The following UST variants were observed in gnomAD, a reference collection of about 807,000 sequenced individuals.
The protein encoded by UST is chondroitin sulfate 2-O-sulfotransferase.
UST carries 21 observed loss-of-function variants against 45.6 expected under a neutral mutation model. The ratio of observed to expected loss-of-function variants is 0.46; its 90% CI spans 0.33 to 0.66. The LOEUF (loss-of-function observed/expected upper bound fraction) is 0.66. Among genes scored for constraint, UST ranks in the 30% least tolerant of loss-of-function variants. UST has a pLI of 0.02. For synonymous variants in UST, 215 were observed against 200.6 expected (o/e 1.07, Z -0.61); for missense variants, 463 against 512.4 (o/e 0.90, Z 0.93).
intron 1 of UST, among the ~76,000 whole-genome samples, chr6:148,821,127 G>A (rs1458807435): frequency 2.0e-5 from 3 of 150,742 alleles, no homozygotes; most frequent in African/African-American, 4.9e-5. Context: ...CCACTACCAC[G>A]CCCAGCTAAT....
At chr6:148,872,867 C>T (rs761087081) in intron 1 of UST, among the ~76,000 whole-genome samples, 2 of 152,164 alleles carry the variant, frequency 1.3e-5, no homozygotes, top group Non-Finnish European at 2.9e-5. Flanking sequence ...CTGACAAGGA[C>T]ACTGTGATTA....
At chr6:148,920,757 C>A (rs1191734199) in intron 2 of UST, among the ~76,000 whole-genome samples, 1 of 152,206 alleles carries the variant, frequency 6.6e-6, no homozygotes, top group Admixed American at 6.5e-5. Flanking sequence ...CTCGAACTCC[C>A]AGGCTCAACC....
intron 7 of UST, among the ~76,000 whole-genome samples, chr6:149,059,401 C>G (rs540120273): frequency 1.3e-5 from 2 of 152,202 alleles, no homozygotes; most frequent in African/African-American, 4.8e-5. Context: ...CAGAAGGACA[C>G]GAAAGGTGGA....
chr6:148,846,543 C>A (rs1242153500), intron 1 of UST, among the ~76,000 whole-genome samples: 2 of 151,886 alleles, frequency 1.3e-5, no homozygotes, highest in Non-Finnish European at 2.9e-5. Flanking sequence ...CACATGTATA[C>A]ATATGTAACT....
At chr6:148,954,064 A>G in intron 4 of UST, 113 bp downstream of exon 4, 1 of 757,670 alleles carries the variant, frequency 1.3e-6, no homozygotes, top group Non-Finnish European at 2.0e-6. Context: ...GACATTTTTA[A>G]TCCGTTTATT....
At chr6:148,886,328 A>G (rs1412193616) in intron 1 of UST, among the ~76,000 whole-genome samples, 1 of 152,222 alleles carries the variant, frequency 6.6e-6, no homozygotes, top group East Asian at 1.9e-4. Context: ...CCTGTAAAGC[A>G]CTTAGCAGAG....
At chr6:148,851,609 T>C (rs1277279977) in intron 1 of UST, among the ~76,000 whole-genome samples, 1 of 152,250 alleles carries the variant, frequency 6.6e-6, no homozygotes, top group Non-Finnish European at 1.5e-5. Context: ...ACTTTTCTGC[T>C]CAGCCAGGCG....
At chr6:149,066,201 C>G (rs1390979172) in intron 7 of UST, 1 of 141,086 alleles carries the variant, frequency 7.1e-6, no homozygotes, top group African/African-American at 3.2e-5. Context: ...GAGCTACCAA[C>G]AAGGAAGCGA....
At chr6:148,813,537 G>A (rs1280362538) in intron 1 of UST, among the ~76,000 whole-genome samples, 6 of 151,746 alleles carry the variant, frequency 4.0e-5, no homozygotes, top group African/African-American at 9.7e-5. Flanking sequence ...GCCTGCCACC[G>A]TGCCTGGCTA....
rs540757970 is a variant in UST, at chr6:149,076,321, A to T, written c.*2205A>T. 1.3e-5 allele frequency: 2 copies of T among 152,222 alleles called. No individual in the cohort carries two copies. Among genetic ancestry groups the T allele is most frequent in the Admixed American group, 1.3e-4 (2 of 15,286 alleles). 9.4% of individuals were successfully genotyped at this position (152,222 alleles called of 1,614,324 possible). On this transcript the variant is annotated 3_prime_UTR_variant, in exon 8 of 8. Coordinates refer to ENST00000367463, the MANE Select transcript of UST (RefSeq NM_005715.3). ...TGATGATAAGTTTACACACTGTGCAATCTCACAATCTGAAAATAAAGTTGA... is the reference window on the plus strand; with the variant it reads ...TGATGATAAGTTTACACACTGTGCATTCTCACAATCTGAAAATAAAGTTGA...
chr6:148,932,097 T>C (rs1779931762), intron 2 of UST, among the ~76,000 whole-genome samples: 1 of 152,214 alleles, frequency 6.6e-6, no homozygotes, highest in African/African-American at 2.4e-5. Context: ...GTAACATTTT[T>C]GGCCGAGCGC....
intron 1 of UST, among the ~76,000 whole-genome samples, chr6:148,786,196 G>A (rs2114696128): frequency 6.6e-6 from 1 of 151,996 alleles, no homozygotes; most frequent in African/African-American, 2.4e-5. Context: ...TTAGATAAAA[G>A]GGTTTTTATA....
At chr6:148,903,281 C>T (rs1239319115) in intron 2 of UST, among the ~76,000 whole-genome samples, 1 of 151,968 alleles carries the variant, frequency 6.6e-6, no homozygotes, top group African/African-American at 2.4e-5. Flanking sequence ...ATTATCATGT[C>T]CCCCACATTT....
chr6:149,019,031 C>A, intron 5 of UST, 108 bp from the exon 6 acceptor site: 1 of 869,792 alleles, frequency 1.1e-6, no homozygotes, highest in Non-Finnish European at 1.9e-6. Context: ...TTCATCTTCT[C>A]AAGGCGTGCC....
chr6:148,834,513 T>C lies in UST; in HGVS notation c.248-52473T>C, dbSNP rs557251958. ...ACTTTGGGAGGCCAAGGTGGGCAGA[T>C]TGCCTGAGCTCGGGAGTTCAAGACC... is the stretch of plus-strand genomic sequence containing the variant. On this transcript the variant is annotated intron_variant, in intron 1 of 7. Coordinates refer to ENST00000367463, the MANE Select transcript of UST (RefSeq NM_005715.3). Among the ~76,000 whole-genome samples, 11 of 152,272 alleles carry C rather than the reference T, an allele frequency of 7.2e-5. No individual in the cohort carries two copies. In the South Asian group the frequency reaches 2.3e-3, roughly 32 times the overall value.
intron 6 of UST, 45 bp from the exon 7 acceptor site, chr6:149,021,279 C>CA: frequency 6.5e-7 from 1 of 1,543,814 alleles, no homozygotes; most frequent in Non-Finnish European, 8.8e-7. Flanking sequence ...TGCTGCATTT[C>CA]AAATATGAAT....
chr6:148,995,325 G>A (rs1319309576), intron 5 of UST, among the ~76,000 whole-genome samples: 2 of 152,098 alleles, frequency 1.3e-5, no homozygotes, highest in African/African-American at 2.4e-5. Flanking sequence ...GCCCAGCCTC[G>A]GTCCTGTTCT....
chr6:149,021,518 G>C, intron 7 of UST, 37 bp downstream of exon 7: 1 of 1,611,454 alleles, frequency 6.2e-7, no homozygotes, highest in Non-Finnish European at 8.5e-7. Flanking sequence ...CTCCATGAGA[G>C]GTCTGTGTCC....
At chr6:148,865,686 G>GTGTA (rs1426396747) in intron 1 of UST, among the ~76,000 whole-genome samples, 10 of 151,048 alleles carry the variant, frequency 6.6e-5, no homozygotes, top group African/African-American at 2.4e-4. Flanking sequence ...GTGTGTGTGT[G>GTGTA]TGTGTGTGTG....
Sources: gnomAD v4.1 joint callset for allele counts (sites outside exome capture counted in the v4.1 genomes callset) on GRCh38, gnomAD v4.1.1 for gene constraint, MANE v1.5 for transcripts, NCBI Gene and HGNC (gene_info 2026-07-23, HGNC 2026-07-21) for gene names.